The following ACAN variants were observed in gnomAD, a reference collection of about 807,000 sequenced individuals.
ACAN encodes the protein aggrecan.
Under a neutral mutation model 169.1 loss-of-function variants are expected in ACAN, and 47 were observed. The ratio of observed to expected loss-of-function variants is 0.28; its 90% CI spans 0.22 to 0.35. The LOEUF (loss-of-function observed/expected upper bound fraction) is 0.35. ACAN is among the 10% of genes least tolerant of loss of function. ACAN has a pLI of 1.00. For synonymous variants in ACAN, 1,115 were observed against 1,112.2 expected, an observed-to-expected ratio of 1.00 and a Z score of -0.05; for missense variants, 2,716 against 2,759.9, an observed-to-expected ratio of 0.98 and a Z score of 0.36.
Position 88,860,315 on chromosome 15 carries a change from G to A in ACAN, c.6833-11G>A, listed in dbSNP as rs1284583441. 6.3e-7 allele frequency: 1 copy of A among 1,596,762 alleles called. No individual in the cohort carries two copies. The highest frequency in any genetic ancestry group is 8.5e-7 in the Non-Finnish European group (1 of 1,170,156). On this transcript the variant is annotated splice_polypyrimidine_tract_variant and intron_variant, in intron 12 of 18. Transcript: ENST00000560601. ...GTTCTTGATGCTCAACCTCTCCCCT[G>A]GGGGTTGCAGCCCCCGCCAGGTCCT...
chr15:88,858,474 A>G lies in ACAN; in HGVS notation c.5889A>G (p.Glu1963=), dbSNP rs753701920. ...GAGAAGGGCCTTCTGGCATTTTAGA[A>G]CTCAGTGGTGCTCATTCTGGAGCAC... ...EAGEGPSGIL[E]LSGAHSGAPD... The change falls in exon 12 of 19, where the codon GAA becomes GAG. Residue 1963 remains glutamate, a synonymous_variant. Transcript: ENST00000560601. This position sits in a 1 kb window ranked among gnomAD's most constrained non-coding sequence, Gnocchi z 4.0. The G allele has an allele frequency of 2.5e-6, 4 of 1,613,524 alleles. No homozygotes were observed. Among genetic ancestry groups the G allele is most frequent in the Admixed American group, 1.7e-5 (1 of 60,000 alleles).
At chr15:88,825,996 G>A (rs540129806) in intron 1 of ACAN, among the ~76,000 whole-genome samples, 4 of 152,260 alleles carry the variant, frequency 2.6e-5, no homozygotes, top group South Asian at 4.1e-4. Flanking sequence ...CTGAAGTTTC[G>A]AAGAGGCTTC....
chr15:88,855,416 T>C lies in ACAN; in HGVS notation c.2831T>C (p.Leu944Pro), dbSNP rs1177593426. The C allele has an allele frequency of 3.7e-6, 6 of 1,613,730 alleles. No homozygotes were observed. The highest frequency in any genetic ancestry group is 5.1e-6 in the Non-Finnish European group (6 of 1,179,826). Residue 944 changes from leucine (L) to proline (P), a missense_variant, in exon 12 of 19, where the codon CTA (leucine) becomes CCA (proline). Coordinates refer to ENST00000560601, the MANE Select transcript of ACAN (RefSeq NM_001369268.1). ...GAACTGCCCTCTGGAGCTGAGATCC[T>C]AGAGGGCTCTGCCTCTGGAGTTGGG... ...VGELPSGAEI[L>P]EGSASGVGDL...
chr15:88,858,470 T>C lies in ACAN; in HGVS notation c.5885T>C (p.Leu1962Ser), dbSNP rs990767434. 1 of 1,613,764 alleles carries C rather than the reference T, an allele frequency of 6.2e-7. No individual in the cohort carries two copies. Among genetic ancestry groups the C allele is most frequent in the Non-Finnish European group, 8.5e-7 (1 of 1,179,896 alleles). ...QEAGEGPSGILELSGAHSGAP... is the reference protein window; with the variant it reads ...QEAGEGPSGISELSGAHSGAP... ...GCAGGAGAAGGGCCTTCTGGCATTT[T>C]AGAACTCAGTGGTGCTCATTCTGGA... Residue 1962 changes from leucine (L) to serine (S), a missense_variant, in exon 12 of 19, where the codon TTA (leucine) becomes TCA (serine). By Grantham distance (145) the Leu-to-Ser change is moderately radical. Coordinates refer to ENST00000560601, the MANE Select transcript of ACAN (RefSeq NM_001369268.1). This position sits in a 1 kb window ranked among gnomAD's most constrained non-coding sequence, Gnocchi z 4.0.
chr15:88,872,311 T>C lies in ACAN; in HGVS notation c.7302+226T>C, dbSNP rs1238819266. Among the ~76,000 whole-genome samples the C allele has an allele frequency of 6.6e-6, 1 of 151,992 alleles. No individual in the cohort carries two copies. The highest frequency in any genetic ancestry group is 1.5e-5 in the Non-Finnish European group (1 of 67,998). On this transcript the variant is annotated intron_variant, in intron 16 of 18. Coordinates refer to ENST00000560601, the MANE Select transcript of ACAN (RefSeq NM_001369268.1). The surrounding 1 kb of genome is among the most constrained non-coding windows in gnomAD (Gnocchi z 5.4). Reference sequence around the variant, plus strand: ...AAGAGGCAAGGAGCCAGGAAGGAAATGAAGGAATAACAGCCACCACCATGA... The same window carrying C: ...AAGAGGCAAGGAGCCAGGAAGGAAACGAAGGAATAACAGCCACCACCATGA...
intron 1 of ACAN, among the ~76,000 whole-genome samples, chr15:88,834,382 CT>C (rs1216540177): frequency 2.0e-5 from 3 of 152,206 alleles, no homozygotes; most frequent in Admixed American, 6.5e-5. Flanking sequence ...GCCCCTGCCC[CT>C]GGCATTCCTG....
intron 1 of ACAN, among the ~76,000 whole-genome samples, chr15:88,817,886 G>GA (rs1895981997): frequency 6.8e-6 from 1 of 147,038 alleles, no homozygotes; most frequent in South Asian, 2.2e-4. Context: ...AAGGGAAAAG[G>GA]AAAAAAAAGA....
chr15:88,844,764 C>T (rs58054142), intron 6 of ACAN, among the ~76,000 whole-genome samples: 3,165 of 152,272 alleles, frequency 0.021, 101 homozygotes, highest in African/African-American at 0.07. Context: ...TTTTATCTTA[C>T]ATTTAACACA....
Position 88,843,536 on chromosome 15 carries a change from G to T in ACAN, c.939G>T (p.Lys313Asn). 1 of 1,612,760 alleles carries T rather than the reference G, an allele frequency of 6.2e-7. No homozygotes were observed. The highest frequency in any genetic ancestry group is 8.5e-7 in the Non-Finnish European group (1 of 1,179,722). ...ADRSVRYPIS[K>N]ARPNCGGNLL... ...GCAGCGTGCGCTACCCCATCTCCAA[G>T]GCCCGGCCCAACTGCGGTGGCAACC... The change falls in exon 6 of 19, where the codon AAG becomes AAT. Residue 313 changes from lysine to asparagine, a missense_variant. This residue lies in a region of ACAN where 1,283 missense variants were observed against 1,281.5 expected (regional missense o/e 1.00). Coordinates refer to ENST00000560601, the MANE Select transcript of ACAN (RefSeq NM_001369268.1). This position sits in a 1 kb window ranked among gnomAD's most constrained non-coding sequence, Gnocchi z 4.0.
chr15:88,814,285 A>T lies in ACAN; in HGVS notation c.-8+10476A>T, dbSNP rs1895888123. ...TACCTCCCACAGAGCAAGGGCTCTC[A>T]AAACAGTAACTGCTGTAAATCATGA... On this transcript the variant is annotated intron_variant, in intron 1 of 18. Transcript: ENST00000560601. This position sits in a 1 kb window ranked among gnomAD's most constrained non-coding sequence, Gnocchi z 4.0. Among the ~76,000 whole-genome samples the T allele has an allele frequency of 6.6e-6, 1 of 152,250 alleles. No homozygotes were observed. The highest frequency in any genetic ancestry group is 6.5e-5 in the Admixed American group (1 of 15,288).
Position 88,843,287 on chromosome 15 carries a change from C to T in ACAN, c.758-68C>T, listed in dbSNP as rs1896709857. 3 of 1,396,208 alleles carry T rather than the reference C, an allele frequency of 2.1e-6. No homozygotes were observed. The East Asian group carries it at 7.5e-5, about 35-fold the overall frequency. The allele number at this position is 1,396,208 out of a possible 1,614,324, so 86.5% of individuals were successfully genotyped here. ...CAAGACCTCGTGGAAAAGTGTGGAT[C>T]TCTCTGGGGATGCAGAGCAGGGGGA... On this transcript the variant is annotated intron_variant, in intron 5 of 18. Transcript: ENST00000560601. This position sits in a 1 kb window ranked among gnomAD's most constrained non-coding sequence, Gnocchi z 4.0.
At chr15:88,862,596 C>G (rs2141620362) in intron 13 of ACAN, among the ~76,000 whole-genome samples, 1 of 152,286 alleles carries the variant, frequency 6.6e-6, no homozygotes, top group African/African-American at 2.4e-5. Flanking sequence ...TCTTGTTCAA[C>G]TTAGCTCAAG....
rs1256860205 is a variant in ACAN, at chr15:88,843,667, T to C, written c.1051+19T>C. 1 of 1,546,858 alleles carries C rather than the reference T, an allele frequency of 6.5e-7. No individual in the cohort carries two copies. Among genetic ancestry groups the C allele is most frequent in the Non-Finnish European group, 8.8e-7 (1 of 1,139,618 alleles). ...TACACAGGTGGGGCACGGCTGGTGGTGGGAAGGGAGTTCATGCCACTAAAA... is the reference window on the plus strand; with the variant it reads ...TACACAGGTGGGGCACGGCTGGTGGCGGGAAGGGAGTTCATGCCACTAAAA... On this transcript the variant is annotated intron_variant, in intron 6 of 18. Transcript: ENST00000560601. This position sits in a 1 kb window ranked among gnomAD's most constrained non-coding sequence, Gnocchi z 4.0.
At position 88,843,432 on chromosome 15, in the gene ACAN, C is replaced by T. The variant is rs745766545; in HGVS notation, c.835C>T (p.Arg279Trp). The T allele has an allele frequency of 3.8e-5, 61 of 1,608,094 alleles. No individual in the cohort carries two copies. Among genetic ancestry groups the T allele is most frequent in the Middle Eastern group, 1.6e-4 (1 of 6,070 alleles). ...AANECRRLGARLATTGQLYLA... is the reference protein window; with the variant it reads ...AANECRRLGAWLATTGQLYLA... The stretch of plus-strand genomic sequence containing the variant: ...CAATGAGTGCCGGCGGCTGGGTGCC[C>T]GGCTGGCCACCACGGGCCAGCTCTA... The change falls in exon 6 of 19, where the codon CGG becomes TGG. Residue 279 changes from arginine (R) to tryptophan (W), a missense_variant. Transcript: ENST00000560601. This position sits in a 1 kb window ranked among gnomAD's most constrained non-coding sequence, Gnocchi z 4.0.
chr15:88,831,366 G>T (rs1346178548), intron 1 of ACAN, among the ~76,000 whole-genome samples: 7 of 152,230 alleles, frequency 4.6e-5, no homozygotes, highest in Non-Finnish European at 1.0e-4. Flanking sequence ...CTCTACCTGA[G>T]ACTTACTGAA....
intron 1 of ACAN, among the ~76,000 whole-genome samples, chr15:88,821,912 A>C (rs1485648576): frequency 1.3e-5 from 2 of 152,240 alleles, no homozygotes; most frequent in African/African-American, 4.8e-5. Context: ...GAAAATCAGC[A>C]AAGGGAAGAG....
chr15:88,825,758 T>C (rs1896199773), intron 1 of ACAN, among the ~76,000 whole-genome samples: 1 of 147,756 alleles, frequency 6.8e-6, no homozygotes, highest in Admixed American at 6.8e-5. Context: ...AGTATTTCTG[T>C]ACTACACGTC....
chr15:88,840,738 C>T (rs929207200), intron 4 of ACAN, among the ~76,000 whole-genome samples: 15 of 150,198 alleles, frequency 1.0e-4, no homozygotes, highest in African/African-American at 3.7e-4. Context: ...AATGTCTTTG[C>T]AGTCTCGGGG....
At chr15:88,833,015 T>C (rs1241133392) in intron 1 of ACAN, among the ~76,000 whole-genome samples, 1 of 152,192 alleles carries the variant, frequency 6.6e-6, no homozygotes, top group East Asian at 1.9e-4. Context: ...GCAGTAGGCG[T>C]CCACCCACGT....
Sources: gnomAD v4.1 joint callset for allele counts (sites outside exome capture counted in the v4.1 genomes callset) on GRCh38, gnomAD v4.1.1 for gene constraint, gnomAD v4.1.1 regional missense constraint, Gnocchi (gnomAD v3.1) non-coding constraint, MANE v1.5 for transcripts, NCBI Gene and HGNC (gene_info 2026-07-23, HGNC 2026-07-21) for gene names.